FBXO10: variants seen among roughly 807,000 people sequenced by gnomAD.
FBXO10 encodes F-box only protein 10.
Under a neutral mutation model 80.7 loss-of-function variants are expected in FBXO10, and 39 were observed. The observed-to-expected ratio is 0.48, with a 90% confidence interval of 0.37 to 0.63. FBXO10 has a LOEUF of 0.63. Ranked by LOEUF, FBXO10 falls within the 30% of genes least tolerant of loss-of-function variation. FBXO10 has a pLI of 0.00. For missense variants in FBXO10, 1,025 were observed against 1,269.0 expected, an observed-to-expected ratio of 0.81 and a Z score of 2.92; for synonymous variants, 449 against 489.6, an observed-to-expected ratio of 0.92 and a Z score of 1.09.
chr9:37,553,936 A>AAAAAAAAAAAAAAAAAG (rs1554648219), intron 1 of FBXO10, among the ~76,000 whole-genome samples: 1 of 148,888 alleles, frequency 6.7e-6, no homozygotes, highest in African/African-American at 2.6e-5. Flanking sequence ...AAAAAAAAAA[A>AAAAAAAAAAAAAAAAAG]AAAGAAAGAA....
intron 4 of FBXO10, among the ~76,000 whole-genome samples, chr9:37,530,331 A>C (rs1314310280): frequency 6.6e-6 from 1 of 152,162 alleles, no homozygotes; most frequent in Non-Finnish European, 1.5e-5. Context: ...GGCTCATCAG[A>C]GCAACCACTG....
intron 1 of FBXO10, among the ~76,000 whole-genome samples, chr9:37,558,144 T>C (rs1464937269): frequency 2.6e-5 from 4 of 152,226 alleles, no homozygotes; most frequent in Non-Finnish European, 4.4e-5. Flanking sequence ...TTATCCATGA[T>C]GTTCTTTCCT....
rs1466881749 is a variant in FBXO10 at position 37,541,210 on chromosome 9, C to A, written c.559G>T (p.Ala187Ser). 2 of 1,608,006 alleles carry A rather than the reference C, an allele frequency of 1.2e-6. No homozygotes were observed. The highest frequency in any genetic ancestry group is 1.7e-6 in the Non-Finnish European group (2 of 1,176,982). The change falls in exon 2 of 11, where the codon GCC (alanine) becomes TCC (serine). Residue 187 changes from alanine to serine, a missense_variant. By Grantham distance (99) the Ala-to-Ser change is moderately conservative (BLOSUM62 1). Transcript: ENST00000432825. ...TTATACATGATGGGTGAGAACCAGGCTGGCGTGAAGACGAGGTTGCACAGG... is the reference window on the plus strand; with the variant it reads ...TTATACATGATGGGTGAGAACCAGGATGGCGTGAAGACGAGGTTGCACAGG... ...TRLCNLVFTP[A>S]WFSPIMYKTT...
At chr9:37,561,174 T>C in intron 1 of FBXO10, among the ~76,000 whole-genome samples, 2 of 61,616 alleles carry the variant, frequency 3.2e-5, no homozygotes, top group African/African-American at 1.4e-4. Flanking sequence ...CAAAATCAAC[T>C]TTTTTTTTTT....
chr9:37,576,051 C>T (rs538237957), intron 1 of FBXO10, among the ~76,000 whole-genome samples, 160 bp downstream of exon 1: 4 of 152,296 alleles, frequency 2.6e-5, no homozygotes, highest in East Asian at 3.9e-4. Flanking sequence ...GGGTACGCCT[C>T]ATGGTCCTGC....
chr9:37,550,169 GTTT>G (rs74171511), intron 1 of FBXO10, among the ~76,000 whole-genome samples: 1 of 68,008 alleles, frequency 1.5e-5, no homozygotes, highest in South Asian at 5.3e-4. Flanking sequence ...GTCGTCTCAG[GTTT>G]TTTTTTTTTT....
chr9:37,550,770 C>T (rs1414447512), intron 1 of FBXO10, among the ~76,000 whole-genome samples: 3 of 152,300 alleles, frequency 2.0e-5, no homozygotes, highest in Non-Finnish European at 4.4e-5. Flanking sequence ...CCACACCCAG[C>T]CTATTTCTCA....
intron 1 of FBXO10, among the ~76,000 whole-genome samples, chr9:37,568,618 A>G (rs1280813974): frequency 6.6e-6 from 1 of 152,186 alleles, no homozygotes; most frequent in Non-Finnish European, 1.5e-5. Context: ...AAGTTGATAC[A>G]TTGTATTTAC....
At chr9:37,546,969 C>T (rs998201612) in intron 1 of FBXO10, among the ~76,000 whole-genome samples, 4 of 152,230 alleles carry the variant, frequency 2.6e-5, no homozygotes, top group Non-Finnish European at 5.9e-5. Context: ...GCATGAGCCA[C>T]CGCACCTGGC....
At chr9:37,538,314 C>A (rs1821825924) in intron 2 of FBXO10, among the ~76,000 whole-genome samples, 1 of 152,200 alleles carries the variant, frequency 6.6e-6, no homozygotes, top group Non-Finnish European at 1.5e-5. Flanking sequence ...AGAGTTCTGA[C>A]TGTGTGGCAA....
At chr9:37,526,451 A>G (rs1475414) in intron 5 of FBXO10, among the ~76,000 whole-genome samples, 1 of 151,958 alleles carries the variant, frequency 6.6e-6, no homozygotes, top group Non-Finnish European at 1.5e-5. Context: ...CACTGATCTA[A>G]TTATGATATT....
chr9:37,535,477 G>A (rs897658729), intron 3 of FBXO10, among the ~76,000 whole-genome samples: 2 of 151,702 alleles, frequency 1.3e-5, no homozygotes, highest in Non-Finnish European at 2.9e-5. Context: ...TCAGCCTCCC[G>A]AGTAGCTGGG....
At chr9:37,516,450 G>A (rs1821180656) in intron 9 of FBXO10, among the ~76,000 whole-genome samples, 1 of 152,150 alleles carries the variant, frequency 6.6e-6, no homozygotes, top group South Asian at 2.1e-4. Flanking sequence ...CTCCCACAGT[G>A]CTCAGAGGCA....
At chr9:37,516,480 CTT>C (rs1256844459) in intron 9 of FBXO10, among the ~76,000 whole-genome samples, 2 of 152,214 alleles carry the variant, frequency 1.3e-5, no homozygotes, top group East Asian at 1.9e-4. Flanking sequence ...CATTTTTACT[CTT>C]TGCCTAAAGT....
At chr9:37,519,281 A>G (rs1043034204) in intron 8 of FBXO10, among the ~76,000 whole-genome samples, 1 of 152,236 alleles carries the variant, frequency 6.6e-6, no homozygotes. Flanking sequence ...ATATGTGTCA[A>G]AAATGTGTTT....
In FBXO10 at chr9:37,572,577, C is replaced by CT. The variant is rs149132446; in HGVS notation, c.-7+3633dup. On this transcript the variant is annotated intron_variant, in intron 1 of 10. Transcript: ENST00000432825. ...AAACACAAAATGCAAAAGTATGATT[C>CT]TATATGTATGAAATTAAAAAACTTA... Among the ~76,000 whole-genome samples the CT allele has an allele frequency of 4.8e-3, 725 of 152,134 alleles. 7 individuals are homozygous for CT. The highest frequency in any genetic ancestry group is 0.017 in the African/African-American group (697 of 41,500).
At chr9:37,517,667 A>C (rs1443413820) in intron 9 of FBXO10, among the ~76,000 whole-genome samples, 1 of 150,446 alleles carries the variant, frequency 6.6e-6, no homozygotes, top group Non-Finnish European at 1.5e-5. Context: ...GCTAAGCTGC[A>C]GGACTGCAGT....
At chr9:37,549,507 C>A (rs1041337877) in intron 1 of FBXO10, among the ~76,000 whole-genome samples, 4 of 152,168 alleles carry the variant, frequency 2.6e-5, no homozygotes, top group African/African-American at 9.6e-5. Flanking sequence ...GTGTAGAAAT[C>A]ACATCTGAGC....
Position 37,511,441 on chromosome 9 carries a change from C to A in FBXO10, c.*1106G>T, listed in dbSNP as rs1358341645. The A allele has an allele frequency of 6.6e-6, 1 of 151,706 alleles. No homozygotes were observed. The highest frequency in any genetic ancestry group is 1.5e-5 in the Non-Finnish European group (1 of 67,520). The allele number at this position is 151,706 out of a possible 1,614,324, so 9.4% of individuals were successfully genotyped here. A position where few individuals can be genotyped will look rare whatever the true frequency, so the allele number is the denominator to read the frequency against. ...GGACACACAGTCAGAAGTGGCCCTA[C>A]CTACGGGGAGCACACAGGTGAGTGG... On this transcript the variant is annotated 3_prime_UTR_variant, in exon 11 of 11. Transcript: ENST00000432825.
Sources: allele counts gnomAD v4.1 joint callset (sites outside exome capture counted in the v4.1 genomes callset), GRCh38; gene constraint gnomAD v4.1.1; transcripts MANE v1.5; gene names NCBI Gene and HGNC (gene_info 2026-07-23, HGNC 2026-07-21).